SPATA16: variants seen among roughly 807,000 people sequenced by gnomAD.
SPATA16 encodes the protein spermatogenesis-associated protein 16.
A neutral mutation model predicts 63.3 loss-of-function variants in SPATA16; 36 were observed. The observed-to-expected ratio is 0.57, with a 90% CI of 0.44 to 0.75. SPATA16 has a LOEUF of 0.75. SPATA16 is among the 30% of genes least tolerant of loss of function. The pLI is 0.00. For missense variants in SPATA16, 646 were observed against 679.3 expected (o/e 0.95, Z 0.54); for synonymous variants, 203 against 216.7 (o/e 0.94, Z 0.56).
At chr3:173,090,262 C>A (rs931464659) in intron 2 of SPATA16, among the ~76,000 whole-genome samples, 1 of 152,074 alleles carries the variant, frequency 6.6e-6, no homozygotes, top group Non-Finnish European at 1.5e-5. Context: ...CCTCCCTCAC[C>A]CCACCCTACT....
At chr3:173,081,124 T>C (rs1173639144) in intron 2 of SPATA16, among the ~76,000 whole-genome samples, 3 of 152,202 alleles carry the variant, frequency 2.0e-5, no homozygotes, top group Non-Finnish European at 4.4e-5. Flanking sequence ...ATCTGTAGAT[T>C]TCTAGCTTAG....
At chr3:173,039,621 C>T (rs1295675763) in intron 3 of SPATA16, among the ~76,000 whole-genome samples, 1 of 151,766 alleles carries the variant, frequency 6.6e-6, no homozygotes, top group Non-Finnish European at 1.5e-5. Flanking sequence ...AAGTGGCCAC[C>T]GACCTCAGGG....
chr3:172,950,153 G>A (rs555106010), intron 6 of SPATA16, among the ~76,000 whole-genome samples: 1 of 152,302 alleles, frequency 6.6e-6, no homozygotes, highest in Non-Finnish European at 1.5e-5. Context: ...CTAAGCAGAA[G>A]ACATTGTAGT....
At chr3:172,996,728 A>G (rs758403528) in intron 4 of SPATA16, among the ~76,000 whole-genome samples, 9 of 152,146 alleles carry the variant, frequency 5.9e-5, no homozygotes, top group Non-Finnish European at 7.4e-5. Context: ...CAAACGTACA[A>G]TGATATATAT....
intron 2 of SPATA16, among the ~76,000 whole-genome samples, chr3:173,050,888 C>T (rs975928690): frequency 2.0e-5 from 3 of 152,182 alleles, no homozygotes; most frequent in Admixed American, 6.5e-5. Context: ...ATAGATAAAA[C>T]ATTTAAACCA....
intron 2 of SPATA16, among the ~76,000 whole-genome samples, chr3:173,071,609 T>A (rs1000943028): frequency 1.3e-5 from 2 of 152,060 alleles, no homozygotes; most frequent in African/African-American, 4.8e-5. Context: ...AAAAACTTGA[T>A]AGGAAGAAAA....
At chr3:173,133,181 C>T (rs1441940584) in intron 1 of SPATA16, among the ~76,000 whole-genome samples, 19 of 152,148 alleles carry the variant, frequency 1.2e-4, no homozygotes, top group Admixed American at 1.2e-3. Flanking sequence ...CCACCCATCA[C>T]TCTGTATTGT....
chr3:173,012,357 G>A (rs1043352701), intron 4 of SPATA16, among the ~76,000 whole-genome samples: 1 of 152,132 alleles, frequency 6.6e-6, no homozygotes, highest in African/African-American at 2.4e-5. Context: ...ATTGCCCAAA[G>A]CAATCTACAG....
intron 5 of SPATA16, among the ~76,000 whole-genome samples, chr3:172,966,658 G>A (rs770072875): frequency 7.9e-5 from 12 of 152,094 alleles, no homozygotes; most frequent in Non-Finnish European, 1.5e-4. Context: ...AGATAAGTAG[G>A]CAGTCTTCAA....
chr3:173,109,790 CT>C (rs1387347077), intron 2 of SPATA16, among the ~76,000 whole-genome samples: 1 of 152,118 alleles, frequency 6.6e-6, no homozygotes, highest in Non-Finnish European at 1.5e-5. Flanking sequence ...GACCCAATTC[CT>C]TGTCTCTACA....
chr3:173,113,251 G>A (rs1737797251), intron 2 of SPATA16, among the ~76,000 whole-genome samples: 2 of 152,152 alleles, frequency 1.3e-5, no homozygotes, highest in African/African-American at 2.4e-5. Flanking sequence ...ATCTAGGCAT[G>A]ACAATATAAA....
intron 9 of SPATA16, among the ~76,000 whole-genome samples, chr3:172,914,901 G>A (rs889711833): frequency 6.6e-5 from 10 of 151,802 alleles, no homozygotes; most frequent in African/African-American, 2.4e-4. Context: ...AAATATAGAT[G>A]TGTGATTAAG....
intron 4 of SPATA16, among the ~76,000 whole-genome samples, chr3:173,002,097 G>T (rs1317514838): frequency 6.6e-6 from 1 of 152,032 alleles, no homozygotes; most frequent in Non-Finnish European, 1.5e-5. Flanking sequence ...TAATTCTAGA[G>T]GTTATAATCG....
chr3:173,109,068 G>A (rs1737686722), intron 2 of SPATA16, among the ~76,000 whole-genome samples: 1 of 152,082 alleles, frequency 6.6e-6, no homozygotes, highest in Admixed American at 6.6e-5. Context: ...TTTGTAAAGT[G>A]ATACAAATTA....
chr3:173,123,627 G>A (rs1487293462), intron 1 of SPATA16, among the ~76,000 whole-genome samples: 1 of 142,002 alleles, frequency 7.0e-6, no homozygotes, highest in Non-Finnish European at 1.5e-5. Flanking sequence ...TTTTGAGACA[G>A]AGTTTCCCTC....
intron 2 of SPATA16, among the ~76,000 whole-genome samples, chr3:173,076,288 C>A (rs752966620): frequency 1.3e-5 from 2 of 151,974 alleles, no homozygotes; most frequent in Non-Finnish European, 2.9e-5. Flanking sequence ...TAGAAATTGA[C>A]GTTTGTGAAT....
rs754597865 is a variant in SPATA16 at position 172,889,553 on chromosome 3, T to A, written c.*17A>T. 1 of 1,613,400 alleles carries A rather than the reference T, an allele frequency of 6.2e-7. No individual in the cohort carries two copies. Among genetic ancestry groups the A allele is most frequent in the Non-Finnish European group, 8.5e-7 (1 of 1,179,774 alleles). On this transcript the variant is annotated 3_prime_UTR_variant, in exon 11 of 11. Coordinates refer to ENST00000351008, the MANE Select transcript of SPATA16 (RefSeq NM_031955.6). ...TTCTTCTGGGATATCTTAGTGGTAGTGCCTGCTCCCTAATGACTACCTTTG... is the reference window on the plus strand; with the variant it reads ...TTCTTCTGGGATATCTTAGTGGTAGAGCCTGCTCCCTAATGACTACCTTTG...
intron 6 of SPATA16, among the ~76,000 whole-genome samples, chr3:172,949,306 A>C (rs1246959759): frequency 6.6e-6 from 1 of 152,200 alleles, no homozygotes; most frequent in African/African-American, 2.4e-5. Context: ...TGTAGACCAT[A>C]AGATCATCAA....
chr3:173,045,735 T>C (rs1735943093), intron 3 of SPATA16, among the ~76,000 whole-genome samples: 1 of 152,190 alleles, frequency 6.6e-6, no homozygotes, highest in South Asian at 2.1e-4. Flanking sequence ...ATCTCATATA[T>C]ATGCTAATAT....
Sources: gnomAD v4.1 joint callset for allele counts (sites outside exome capture counted in the v4.1 genomes callset) on GRCh38, gnomAD v4.1.1 for gene constraint, MANE v1.5 for transcripts, NCBI Gene and HGNC (gene_info 2026-07-23, HGNC 2026-07-21) for gene names.